The following TSHZ2 variants were observed in gnomAD, a reference collection of about 807,000 sequenced individuals.
TSHZ2 encodes teashirt homolog 2.
Under a neutral mutation model 74.4 loss-of-function variants are expected in TSHZ2, and 21 were observed. The observed-to-expected ratio is 0.28, with a 90% CI of 0.20 to 0.41. The LOEUF (loss-of-function observed/expected upper bound fraction) is 0.41, where lower values mean the gene tolerates loss of function less well. Among genes scored for constraint, TSHZ2 ranks in the 10% least tolerant of loss-of-function variants. TSHZ2 has a pLI of 1.00. For missense variants in TSHZ2, 1,244 were observed against 1,293.5 expected, an observed-to-expected ratio of 0.96 and a Z score of 0.59; for synonymous variants, 540 against 515.3, an observed-to-expected ratio of 1.05 and a Z score of -0.65.
chr20:53,457,925 G>A (rs1985172053), intron 2 of TSHZ2, among the ~76,000 whole-genome samples: 1 of 148,964 alleles, frequency 6.7e-6, no homozygotes, highest in Non-Finnish European at 1.5e-5. Context: ...GATCATGGTG[G>A]ATAAGCTTTT....
intron 1 of TSHZ2, among the ~76,000 whole-genome samples, chr20:53,216,745 T>G (rs1364262147): frequency 6.6e-6 from 1 of 152,210 alleles, no homozygotes; most frequent in Non-Finnish European, 1.5e-5. Flanking sequence ...TTAATATTTC[T>G]CTATAAATCA....
chr20:53,469,063 A>ATG (rs1302570541), intron 2 of TSHZ2, among the ~76,000 whole-genome samples: 1 of 123,130 alleles, frequency 8.1e-6, no homozygotes, highest in South Asian at 2.6e-4. Flanking sequence ...ATATATATAT[A>ATG]TATATATATA....
intron 2 of TSHZ2, among the ~76,000 whole-genome samples, chr20:53,320,937 G>C (rs907687087): frequency 6.6e-6 from 1 of 152,190 alleles, no homozygotes; most frequent in Non-Finnish European, 1.5e-5. Flanking sequence ...TAGCTGGCCA[G>C]TGCCCATGTA....
chr20:53,011,390 T>C (rs1982844129), intron 1 of TSHZ2, among the ~76,000 whole-genome samples: 1 of 152,190 alleles, frequency 6.6e-6, no homozygotes, highest in Non-Finnish European at 1.5e-5. Context: ...AATGTAACAG[T>C]GGCCAGATAA....
At chr20:53,024,548 AG>A (rs1176143834) in intron 1 of TSHZ2, among the ~76,000 whole-genome samples, 1 of 151,980 alleles carries the variant, frequency 6.6e-6, no homozygotes, top group African/African-American at 2.4e-5. Context: ...CAGAATGTGC[AG>A]GTTTGGTTAC....
chr20:53,009,379 C>T (rs1982769725), intron 1 of TSHZ2, among the ~76,000 whole-genome samples: 1 of 151,992 alleles, frequency 6.6e-6, no homozygotes, highest in South Asian at 2.1e-4. Flanking sequence ...AAGCAATATC[C>T]TGTACAGTGC....
intron 2 of TSHZ2, among the ~76,000 whole-genome samples, chr20:53,397,360 C>A (rs1331546024): frequency 3.3e-5 from 5 of 151,968 alleles, no homozygotes; most frequent in Non-Finnish European, 5.9e-5. Flanking sequence ...ATGCAGCCAA[C>A]AGACACATGA....
At chr20:53,191,618 G>T (rs2123544506) in intron 1 of TSHZ2, among the ~76,000 whole-genome samples, 1 of 152,336 alleles carries the variant, frequency 6.6e-6, no homozygotes, top group Admixed American at 6.5e-5. Context: ...AGCTGGGATT[G>T]CACCACTGCG....
chr20:53,167,444 AG>A (rs1244602970), intron 1 of TSHZ2, among the ~76,000 whole-genome samples: 1 of 152,222 alleles, frequency 6.6e-6, no homozygotes, highest in African/African-American at 2.4e-5. Context: ...CAGGGAAGTC[AG>A]GCTTCAAACC....
In TSHZ2 at chr20:53,054,631, G is replaced by A. The variant is rs76347596; in HGVS notation, c.40+81298G>A. ...AAGAGATGTAGATTGAGTCTTTGCC[G>A]CCCTAGGAGGGGTTCTAGTGTGCCA... On this transcript the variant is annotated intron_variant, in intron 1 of 2. Coordinates refer to ENST00000371497, the MANE Select transcript of TSHZ2 (RefSeq NM_173485.6). Among the ~76,000 whole-genome samples, 247 of 152,244 alleles carry A rather than the reference G, an allele frequency of 1.6e-3. 3 individuals carry two copies. In the East Asian group the frequency reaches 0.028, roughly 17 times the overall value.
chr20:53,021,003 A>G (rs1025923060), intron 1 of TSHZ2, among the ~76,000 whole-genome samples: 2 of 152,210 alleles, frequency 1.3e-5, no homozygotes, highest in Non-Finnish European at 2.9e-5. Flanking sequence ...TGAATGAAGT[A>G]AGGCTTGTAA....
intron 2 of TSHZ2, among the ~76,000 whole-genome samples, chr20:53,415,791 T>A (rs1294048364): frequency 2.0e-5 from 1 of 50,906 alleles, no homozygotes; most frequent in Non-Finnish European, 4.4e-5. Flanking sequence ...TATGTGTGTG[T>A]GTAGATATAC....
At chr20:52,981,417 G>A (rs1981565617) in intron 1 of TSHZ2, among the ~76,000 whole-genome samples, 1 of 152,198 alleles carries the variant, frequency 6.6e-6, no homozygotes, top group African/African-American at 2.4e-5. Flanking sequence ...GCAATCATAT[G>A]TTCCAGGTGT....
chr20:53,453,610 C>A (rs1984907335), intron 2 of TSHZ2, among the ~76,000 whole-genome samples: 1 of 152,142 alleles, frequency 6.6e-6, no homozygotes, highest in Admixed American at 6.5e-5. Context: ...AGGGGAAAAG[C>A]CACTTATGTG....
At chr20:53,464,421 CA>C (rs543262600) in intron 2 of TSHZ2, among the ~76,000 whole-genome samples, 86 of 151,910 alleles carry the variant, frequency 5.7e-4, no homozygotes, top group Non-Finnish European at 1.1e-3. Flanking sequence ...GCCCTTCAGG[CA>C]GGGGTAGAAC....
intron 2 of TSHZ2, chr20:53,399,508 G>T (rs947136573): frequency 6.6e-6 from 1 of 152,230 alleles, no homozygotes; most frequent in Non-Finnish European, 1.5e-5. Flanking sequence ...TTAGAGGAAG[G>T]CTTGGTGGGC....
At chr20:52,981,342 G>A (rs1006559458) in intron 1 of TSHZ2, among the ~76,000 whole-genome samples, 16 of 152,212 alleles carry the variant, frequency 1.1e-4, no homozygotes, top group African/African-American at 3.4e-4. Flanking sequence ...ATTCTTATTC[G>A]GCCGCGTAAA....
intron 1 of TSHZ2, among the ~76,000 whole-genome samples, chr20:53,056,443 C>T (rs1246937354): frequency 6.6e-6 from 1 of 152,174 alleles, no homozygotes; most frequent in Non-Finnish European, 1.5e-5. Flanking sequence ...CGCCCAATAC[C>T]GTTGTCGTTA....
chr20:53,121,570 G>T (rs964839143), intron 1 of TSHZ2, among the ~76,000 whole-genome samples: 3 of 152,148 alleles, frequency 2.0e-5, no homozygotes, highest in Admixed American at 2.0e-4. Context: ...CTCCTGTTTT[G>T]AGTTACTATG....
Sources: allele counts gnomAD v4.1 joint callset (sites outside exome capture counted in the v4.1 genomes callset), GRCh38; gene constraint gnomAD v4.1.1; transcripts MANE v1.5; gene names NCBI Gene and HGNC (gene_info 2026-07-23, HGNC 2026-07-21).